Variants in RASA3 observed in about 807,000 individuals in gnomAD.
RASA3 encodes ras GTPase-activating protein 3.
RASA3 carries 73 observed loss-of-function variants against 110.0 expected under a neutral mutation model. That is an observed-to-expected ratio of 0.66 (90% CI 0.55 to 0.81). The LOEUF is 0.81. RASA3 is among the 30% of genes least tolerant of loss of function. The pLI is 0.00. For synonymous variants in RASA3, 500 were observed against 451.4 expected, an observed-to-expected ratio of 1.11 and a Z score of -1.37; for missense variants, 976 against 1,113.2, an observed-to-expected ratio of 0.88 and a Z score of 1.75.
intron 9 of RASA3, among the ~76,000 whole-genome samples, 177 bp from the exon 10 acceptor site, chr13:114,019,096 C>A (rs546213417): frequency 3.3e-5 from 5 of 151,606 alleles, no homozygotes; most frequent in African/African-American, 1.2e-4. Context: ...GGCTGGTCAC[C>A]GGGGATCCCC....
chr13:114,009,442 A>G lies in RASA3; in HGVS notation c.1613T>C (p.Met538Thr). Residue 538 changes from methionine to threonine, a missense_variant, in exon 17 of 24, where the codon ATG becomes ACG. Coordinates refer to ENST00000334062, the MANE Select transcript of RASA3 (RefSeq NM_007368.4). ...SKSASFKESYMATFYEFFNEQ... is the reference protein window; with the variant it reads ...SKSASFKESYTATFYEFFNEQ... ...ATTGAAGAATTCATAAAATGTAGCC[A>G]TGTAGGACTCCTTAAAACTCGCCTA... 1 of 1,612,012 alleles carries G rather than the reference A, an allele frequency of 6.2e-7. No homozygotes were observed. The highest frequency in any genetic ancestry group is 8.5e-7 in the Non-Finnish European group (1 of 1,179,144).
chr13:114,044,509 CTCCCCCGCCGCCTCACTCGCTGAG>C (rs2079019838), intron 3 of RASA3, among the ~76,000 whole-genome samples: 2 of 5,430 alleles, frequency 3.7e-4, no homozygotes, highest in African/African-American at 1.2e-3. Context: ...ACTCGCTGAG[CTCCCCCGCCGCCTCACTCGCTGAG>C]CCCCCCGCCC....
intron 1 of RASA3, among the ~76,000 whole-genome samples, chr13:114,119,019 A>C (rs1223443466): frequency 6.6e-6 from 1 of 152,154 alleles, no homozygotes; most frequent in Non-Finnish European, 1.5e-5. Flanking sequence ...TTTTATTTGG[A>C]GATGAAATTG....
At chr13:114,121,931 C>T (rs1420094794) in intron 1 of RASA3, among the ~76,000 whole-genome samples, 1 of 152,246 alleles carries the variant, frequency 6.6e-6, no homozygotes, top group Non-Finnish European at 1.5e-5. Context: ...CAGGAGCCTG[C>T]TCCCACTGTC....
At chr13:114,049,668 C>T (rs1193249890) in intron 3 of RASA3, among the ~76,000 whole-genome samples, 5 of 152,252 alleles carry the variant, frequency 3.3e-5, no homozygotes, top group Admixed American at 1.3e-4. Flanking sequence ...TCGCGCGTGG[C>T]GCCCGGCACA....
At chr13:113,998,061 G>T (rs1439726011) in intron 20 of RASA3, among the ~76,000 whole-genome samples, 1 of 152,226 alleles carries the variant, frequency 6.6e-6, no homozygotes, top group South Asian at 2.1e-4. Flanking sequence ...GGGGAATCGG[G>T]CTCTGAGGAA....
At chr13:114,120,498 GCCC>G (rs770774727) in intron 1 of RASA3, among the ~76,000 whole-genome samples, 2 of 23,236 alleles carry the variant, frequency 8.6e-5, no homozygotes, top group Non-Finnish European at 2.7e-4. Context: ...GTCGATCAGG[GCCC>G]CCCCTCCTCT....
chr13:114,102,898 A>G (rs1271610881), intron 1 of RASA3, among the ~76,000 whole-genome samples: 1 of 148,008 alleles, frequency 6.8e-6, no homozygotes, highest in Admixed American at 6.6e-5. Context: ...AGTGCCACCC[A>G]CCCACCCACA....
At chr13:114,087,388 G>A (rs866454317) in intron 1 of RASA3, among the ~76,000 whole-genome samples, 46 of 152,354 alleles carry the variant, frequency 3.0e-4, no homozygotes, top group African/African-American at 1.1e-3. Context: ...CGTATGTGAT[G>A]GGATTCTGAA....
chr13:114,035,069 T>G (rs2054254883), intron 4 of RASA3, among the ~76,000 whole-genome samples: 1 of 151,594 alleles, frequency 6.6e-6, no homozygotes, highest in Non-Finnish European at 1.5e-5. Flanking sequence ...AAGGGAGATC[T>G]GAACGCTGAC....
In RASA3 at chr13:114,115,029, A is replaced by C. The variant is rs949237132; in HGVS notation, c.55+17406T>G. Among the ~76,000 whole-genome samples the C allele has an allele frequency of 2.7e-4, 37 of 137,810 alleles. No homozygotes were observed. Among genetic ancestry groups the C allele is most frequent in the African/African-American group, 9.3e-4 (34 of 36,544 alleles). The allele number at this position is 137,810 out of a possible 152,430, so 90.4% of individuals were successfully genotyped here. ...CTGCAGGTTCCCCAGCCCCACCCCC[A>C]GCTGTGAGATGCTGCAGGTTCCCCA... is the stretch of plus-strand genomic sequence containing the variant. On this transcript the variant is annotated intron_variant, in intron 1 of 23. Transcript: ENST00000334062. This position sits in a 1 kb window ranked among gnomAD's most constrained non-coding sequence, Gnocchi z 5.0.
intron 4 of RASA3, among the ~76,000 whole-genome samples, chr13:114,035,451 G>A (rs1429690070): frequency 1.3e-5 from 2 of 152,226 alleles, no homozygotes; most frequent in African/African-American, 4.8e-5. Context: ...CTGCTGAGGG[G>A]TGTATGGAAA....
intron 1 of RASA3, among the ~76,000 whole-genome samples, chr13:114,117,019 G>C (rs1474062055): frequency 7.1e-6 from 1 of 141,758 alleles, no homozygotes; most frequent in Non-Finnish European, 1.5e-5. Context: ...GCACGTGTGT[G>C]AGGGGTGCAC....
At chr13:114,032,250 C>T (rs555218639) in intron 4 of RASA3, among the ~76,000 whole-genome samples, 4 of 152,300 alleles carry the variant, frequency 2.6e-5, no homozygotes, top group African/African-American at 9.6e-5. Flanking sequence ...GAATTTCTTC[C>T]TCAGGGGCCA....
At chr13:114,032,449 T>G (rs532923144) in intron 4 of RASA3, among the ~76,000 whole-genome samples, 2 of 152,144 alleles carry the variant, frequency 1.3e-5, no homozygotes, top group African/African-American at 4.8e-5. Flanking sequence ...ATTTATGACT[T>G]TGCCACAACC....
At chr13:114,038,558 G>C (rs1040452757) in intron 4 of RASA3, among the ~76,000 whole-genome samples, 1 of 152,206 alleles carries the variant, frequency 6.6e-6, no homozygotes, top group African/African-American at 2.4e-5. Context: ...TTTCCGTCAA[G>C]GGCCTCACCC....
At chr13:114,055,467 G>A (rs1274441122) in intron 2 of RASA3, among the ~76,000 whole-genome samples, 1 of 152,222 alleles carries the variant, frequency 6.6e-6, no homozygotes, top group African/African-American at 2.4e-5. Context: ...CGTCCCCACT[G>A]GCAGGAAAAA....
At chr13:114,111,953 C>T (rs1044292774) in intron 1 of RASA3, among the ~76,000 whole-genome samples, 1 of 152,168 alleles carries the variant, frequency 6.6e-6, no homozygotes, top group Non-Finnish European at 1.5e-5. Flanking sequence ...GAAGGAGGCA[C>T]AGACTTCACC....
In RASA3 at chr13:113,979,116, C is replaced by T. The variant is rs890034827; in HGVS notation, c.*231G>A. ...ATCCCCACAAACAAGGAGCAAAAAG[C>T]ACAGAATCAAATGACGACACGTTCC... is the stretch of plus-strand genomic sequence containing the variant. On this transcript the variant is annotated 3_prime_UTR_variant, in exon 24 of 24. Coordinates refer to ENST00000334062, the MANE Select transcript of RASA3 (RefSeq NM_007368.4). The T allele has an allele frequency of 3.6e-6, 2 of 557,274 alleles. No individual in the cohort carries two copies. The highest frequency in any genetic ancestry group is 6.3e-5 in the Admixed American group (2 of 31,984). 34.5% of individuals were successfully genotyped at this position (557,274 alleles called of 1,614,324 possible). A position where few individuals can be genotyped will look rare whatever the true frequency, so the allele number is the denominator to read the frequency against.
Sources: gnomAD v4.1 joint callset for allele counts (sites outside exome capture counted in the v4.1 genomes callset) on GRCh38, gnomAD v4.1.1 for gene constraint, Gnocchi (gnomAD v3.1) non-coding constraint, MANE v1.5 for transcripts, NCBI Gene and HGNC (gene_info 2026-07-23, HGNC 2026-07-21) for gene names.